Variants in ANOS1 observed in about 807,000 individuals in gnomAD.
ANOS1 encodes the protein anosmin-1.
ANOS1 carries 6 observed loss-of-function variants against 59.0 expected under a neutral mutation model. That is an observed-to-expected ratio of 0.10 (90% CI 0.06 to 0.20). The LOEUF (loss-of-function observed/expected upper bound fraction) is 0.20. ANOS1 is among the 10% of genes least tolerant of loss of function. The probability of loss-of-function intolerance (pLI) is 1.00; values close to 1 mark genes in which losing one functional copy is unlikely to be tolerated. For missense variants in ANOS1, 433 were observed against 542.3 expected, an observed-to-expected ratio of 0.80 and a Z score of 2.00; for synonymous variants, 217 against 223.4, an observed-to-expected ratio of 0.97 and a Z score of 0.25.
chrX:8,700,789 G>A (rs1427902644), intron 1 of ANOS1, among the ~76,000 whole-genome samples: 2 of 111,639 alleles, frequency 1.8e-5, no homozygotes, highest in Middle Eastern at 4.6e-3. Context: ...CGGGTGGATC[G>A]CCTGAGGTCA....
chrX:8,725,818 GT>G (rs1338964697), intron 1 of ANOS1, among the ~76,000 whole-genome samples: 3 of 106,339 alleles, frequency 2.8e-5, no homozygotes, highest in African/African-American at 1.0e-4. Context: ...ATTTTCTATT[GT>G]TTTTTAAATG....
At chrX:8,625,844 G>A (rs1931380004) in intron 2 of ANOS1, among the ~76,000 whole-genome samples, 1 of 110,700 alleles carries the variant, frequency 9.0e-6, no homozygotes, top group Non-Finnish European at 1.9e-5. Context: ...CGGGCACGGT[G>A]GCTCACACCT....
intron 2 of ANOS1, among the ~76,000 whole-genome samples, chrX:8,667,774 G>A (rs185484218): frequency 2.4e-3 from 272 of 111,169 alleles, no homozygotes; most frequent in Non-Finnish European, 4.0e-3. Context: ...AAGGAGTAGT[G>A]TGTTTTTAGA....
intron 3 of ANOS1, among the ~76,000 whole-genome samples, chrX:8,614,795 T>A (rs1326202612): frequency 3.2e-5 from 2 of 61,592 alleles, no homozygotes; most frequent in Admixed American, 3.4e-4. Flanking sequence ...CTTGGTCCCA[T>A]AAATTTTCAA....
intron 2 of ANOS1, among the ~76,000 whole-genome samples, chrX:8,630,013 C>T (rs1361999925): frequency 8.9e-6 from 1 of 112,294 alleles, no homozygotes; most frequent in Admixed American, 9.5e-5. Flanking sequence ...CTTATCTAGT[C>T]ACCAAGACAG....
chrX:8,621,646 A>G (rs1048706125), intron 3 of ANOS1, among the ~76,000 whole-genome samples: 2 of 112,286 alleles, frequency 1.8e-5, no homozygotes, highest in African/African-American at 6.5e-5. Flanking sequence ...TTCATTATCT[A>G]TTTTAATAAA....
At chrX:8,685,656 GA>G (rs1221490040) in intron 2 of ANOS1, among the ~76,000 whole-genome samples, 1 of 92,594 alleles carries the variant, frequency 1.1e-5, no homozygotes, top group African/African-American at 4.1e-5. Flanking sequence ...AAGAAAGAAA[GA>G]AAAAGAAAGG....
intron 2 of ANOS1, among the ~76,000 whole-genome samples, chrX:8,683,375 C>A (rs1932456070): frequency 9.0e-6 from 1 of 110,690 alleles, no homozygotes; most frequent in Admixed American, 9.7e-5. Context: ...GTAACTCGGC[C>A]CAGGTGATGG....
At chrX:8,600,629 T>C (rs1006461631) in intron 3 of ANOS1, among the ~76,000 whole-genome samples, 4 of 112,192 alleles carry the variant, frequency 3.6e-5, no homozygotes, top group Non-Finnish European at 5.6e-5. Context: ...TTATTAACTC[T>C]CAAGGCTTTT....
At chrX:8,577,101 A>C (rs1236721340) in intron 6 of ANOS1, among the ~76,000 whole-genome samples, 1 of 112,056 alleles carries the variant, frequency 8.9e-6, no homozygotes, top group African/African-American at 3.2e-5. Context: ...CCTGGGCCAC[A>C]GACTGCTCTC....
chrX:8,708,324 G>C (rs1034973707), intron 1 of ANOS1, among the ~76,000 whole-genome samples: 1 of 111,791 alleles, frequency 8.9e-6, no homozygotes, highest in Admixed American at 9.5e-5. Context: ...GAGTGAACAG[G>C]CAACCTACAG....
chrX:8,688,528 G>A (rs1193608416), intron 2 of ANOS1, among the ~76,000 whole-genome samples: 4 of 112,207 alleles, frequency 3.6e-5, no homozygotes, highest in African/African-American at 9.7e-5. Context: ...AAGAGATTTC[G>A]TTTGCATTTT....
intron 3 of ANOS1, 144 bp downstream of exon 3, chrX:8,623,464 G>T (rs191794135): frequency 5.3e-5 from 27 of 507,050 alleles, no homozygotes; most frequent in Admixed American, 5.1e-4. Flanking sequence ...TTTTTTACAT[G>T]AATTTACGTA....
At chrX:8,599,662 G>A (rs1285538629) in intron 3 of ANOS1, among the ~76,000 whole-genome samples, 1 of 111,122 alleles carries the variant, frequency 9.0e-6, no homozygotes, top group Non-Finnish European at 1.9e-5. Context: ...TCCCTACCAC[G>A]AGGTAACACC....
chrX:8,732,080 G>A lies in ANOS1; in HGVS notation c.-44C>T. Reference sequence around the variant, plus strand: ...AGGGCGAGGGCGCCGGGCGCGGGCCGAGGCTCCCTGCTCCGCGCCGGGGCT... The same window carrying A: ...AGGGCGAGGGCGCCGGGCGCGGGCCAAGGCTCCCTGCTCCGCGCCGGGGCT... On this transcript the variant is annotated 5_prime_UTR_variant, in exon 1 of 14. Coordinates refer to ENST00000262648, the MANE Select transcript of ANOS1 (RefSeq NM_000216.4). 1.1e-6 allele frequency: 1 copy of A among 874,479 alleles called. No individual in the cohort carries two copies. Among genetic ancestry groups the A allele is most frequent in the Non-Finnish European group, 1.4e-6 (1 of 705,118 alleles). 72.1% of individuals were successfully genotyped at this position (874,479 alleles called of 1,213,427 possible). A position where few individuals can be genotyped will look rare whatever the true frequency, so the allele number is the denominator to read the frequency against.
At chrX:8,720,297 A>G (rs904165925) in intron 1 of ANOS1, among the ~76,000 whole-genome samples, 1 of 111,392 alleles carries the variant, frequency 9.0e-6, no homozygotes, top group Non-Finnish European at 1.9e-5. Flanking sequence ...AGGACACCGC[A>G]ACTTTTGTTG....
chrX:8,587,169 GC>G (rs1406522134), intron 5 of ANOS1, among the ~76,000 whole-genome samples: 1 of 110,678 alleles, frequency 9.0e-6, no homozygotes, highest in Non-Finnish European at 1.9e-5. Flanking sequence ...GGATTTAACA[GC>G]TCTTAAAAAG....
chrX:8,687,321 G>A (rs1932537373), intron 2 of ANOS1, among the ~76,000 whole-genome samples: 1 of 110,581 alleles, frequency 9.0e-6, no homozygotes, highest in South Asian at 3.8e-4. Context: ...AGTTCCAGAT[G>A]CCTGGTGGCT....
At chrX:8,719,206 A>C (rs889527359) in intron 1 of ANOS1, among the ~76,000 whole-genome samples, 29 of 112,228 alleles carry the variant, frequency 2.6e-4, no homozygotes, top group Admixed American at 1.5e-3. Context: ...GTTTTGGTCA[A>C]CTTTCTTTCT....
Sources: gnomAD v4.1 joint callset for allele counts (sites outside exome capture counted in the v4.1 genomes callset) on GRCh38, gnomAD v4.1.1 for gene constraint, MANE v1.5 for transcripts, NCBI Gene and HGNC (gene_info 2026-07-23, HGNC 2026-07-21) for gene names.